The following CTNNA2 variants were observed in gnomAD, a reference collection of about 807,000 sequenced individuals.
CTNNA2 encodes the protein catenin alpha 2, also known as catenin alpha-2.
In CTNNA2, 42 loss-of-function variants were observed where a neutral mutation model predicts 101.0. That is an observed-to-expected ratio of 0.42 (90% confidence interval 0.32 to 0.54). The LOEUF is 0.54. CTNNA2 is among the 20% of genes least tolerant of loss of function. The pLI is 0.14. For synonymous variants in CTNNA2, 450 were observed against 456.4 expected (o/e 0.99, Z 0.18); for missense variants, 871 against 1,223.1 (o/e 0.71, Z 4.29).
At chr2:80,313,001 A>G (rs886263275) in intron 7 of CTNNA2, among the ~76,000 whole-genome samples, 1 of 152,252 alleles carries the variant, frequency 6.6e-6, no homozygotes, top group African/African-American at 2.4e-5. Context: ...ACTAGTTTGA[A>G]TGCTTGCCTA....
chr2:80,583,144 T>C (rs1394235383), intron 14 of CTNNA2, among the ~76,000 whole-genome samples: 1 of 152,182 alleles, frequency 6.6e-6, no homozygotes, highest in Non-Finnish European at 1.5e-5. Flanking sequence ...CAGACCTCTC[T>C]CTAAAATGCG....
intron 1 of CTNNA2, among the ~76,000 whole-genome samples, chr2:79,574,923 G>A (rs1373255858): frequency 6.6e-6 from 1 of 152,082 alleles, no homozygotes; most frequent in Non-Finnish European, 1.5e-5. Flanking sequence ...AGTGTGAGAT[G>A]GTATCTTGCT....
intron 18 of CTNNA2, among the ~76,000 whole-genome samples, chr2:80,637,386 T>A (rs975693143): frequency 1.1e-4 from 17 of 151,496 alleles, no homozygotes; most frequent in African/African-American, 4.1e-4. Flanking sequence ...ATCCATCCAG[T>A]CAAGGTTTGA....
chr2:80,604,028 C>G (rs766378369), intron 15 of CTNNA2, 46 bp from the exon 16 acceptor site: 5 of 1,545,140 alleles, frequency 3.2e-6, no homozygotes, highest in Non-Finnish European at 3.6e-6. Context: ...TGGTCTCTTT[C>G]CCGTCATTAA....
In CTNNA2 at chr2:79,869,095, A is replaced by G. The variant is rs575753241; in HGVS notation, c.466-721A>G. ...TTAAATTATTTATAAAGGAATTTTGATGAAATTCACAATTCAGGTCCAATG... is the reference window on the plus strand; with the variant it reads ...TTAAATTATTTATAAAGGAATTTTGGTGAAATTCACAATTCAGGTCCAATG... On this transcript the variant is annotated intron_variant, in intron 4 of 18. Transcript: ENST00000402739. 1.4e-4 allele frequency among the ~76,000 whole-genome samples: 21 copies of G among 152,316 alleles called. No individual in the cohort carries two copies. The South Asian group carries it at 4.1e-3, about 30-fold the overall frequency.
At chr2:80,287,271 C>A (rs115706213) in intron 7 of CTNNA2, among the ~76,000 whole-genome samples, 1,912 of 152,282 alleles carry the variant, frequency 0.013, 52 homozygotes, top group African/African-American at 0.044. Context: ...ACTTAAGCAT[C>A]TTTTGGTTAT....
At chr2:80,469,353 T>C (rs149659891) in intron 9 of CTNNA2, among the ~76,000 whole-genome samples, 212 of 152,366 alleles carry the variant, frequency 1.4e-3, no homozygotes, top group African/African-American at 4.9e-3. Context: ...GTGTGACTGA[T>C]GGAAAGCCGT....
At chr2:79,282,399 C>G (rs573247393) in intron 2 of CTNNA2, among the ~76,000 whole-genome samples, 111 of 152,106 alleles carry the variant, frequency 7.3e-4, no homozygotes, top group African/African-American at 2.6e-3. Context: ...CAGTGCTATC[C>G]CTCCCCGCTC....
chr2:80,431,057 T>G (rs1681453973), intron 9 of CTNNA2, among the ~76,000 whole-genome samples: 1 of 152,190 alleles, frequency 6.6e-6, no homozygotes, highest in African/African-American at 2.4e-5. Context: ...AAAAAAATTC[T>G]TCGATGTTAG....
intron 1 of CTNNA2, among the ~76,000 whole-genome samples, chr2:79,194,095 C>T (rs911805457): frequency 1.3e-5 from 2 of 152,074 alleles, no homozygotes; most frequent in African/African-American, 4.8e-5. Context: ...GAGGCATGAA[C>T]GTAAATTGTT....
chr2:79,433,095 G>T (rs986404406), intron 4 of CTNNA2, among the ~76,000 whole-genome samples: 6 of 152,188 alleles, frequency 3.9e-5, no homozygotes, highest in African/African-American at 1.4e-4. Flanking sequence ...TCAGGAGATT[G>T]TTCCAATGGC....
At chr2:80,583,748 C>T (rs1315119602) in intron 14 of CTNNA2, among the ~76,000 whole-genome samples, 1 of 152,104 alleles carries the variant, frequency 6.6e-6, no homozygotes, top group African/African-American at 2.4e-5. Flanking sequence ...CATTGGGAAC[C>T]TAATTCTAGT....
In CTNNA2 at chr2:79,437,653, G is replaced by A. The variant is rs911758550; in HGVS notation, c.-135+63640G>A. Among the ~76,000 whole-genome samples the A allele has an allele frequency of 5.9e-5, 9 of 152,192 alleles. 1 individual carries two copies. The highest frequency in any genetic ancestry group is 1.3e-4 in the Non-Finnish European group (9 of 68,042). ...GCTCTGCTTCATAACATAACCGTGT[G>A]TCACTATTTCACCAGCCGAGCTAGG... is the stretch of plus-strand genomic sequence containing the variant. On this transcript the variant is annotated intron_variant, in intron 4 of 21. Transcript: ENST00000466387.
intron 8 of CTNNA2, among the ~76,000 whole-genome samples, chr2:80,397,417 C>A (rs960829568): frequency 1.3e-5 from 2 of 152,144 alleles, no homozygotes; most frequent in Non-Finnish European, 2.9e-5. Context: ...TGTTTCCCTA[C>A]CCATTCATCT....
intron 7 of CTNNA2, among the ~76,000 whole-genome samples, chr2:80,220,172 G>T (rs1708495721): frequency 2.0e-5 from 3 of 152,180 alleles, no homozygotes; most frequent in Admixed American, 1.3e-4. Context: ...CGATTTAAAT[G>T]AATTCCTTTG....
intron 4 of CTNNA2, among the ~76,000 whole-genome samples, chr2:79,421,553 T>TGG (rs1443007104): frequency 1.3e-5 from 2 of 152,214 alleles, no homozygotes; most frequent in Admixed American, 6.5e-5. Context: ...GGCTAATACC[T>TGG]TGATGACCTG....
At chr2:80,324,249 A>AG (rs1412665428) in intron 7 of CTNNA2, among the ~76,000 whole-genome samples, 1 of 152,270 alleles carries the variant, frequency 6.6e-6, no homozygotes, top group South Asian at 2.1e-4. Flanking sequence ...TTTGCTTTGA[A>AG]GGGGGTCGAC....
At chr2:80,414,924 G>A (rs1279169790) in intron 8 of CTNNA2, among the ~76,000 whole-genome samples, 1 of 152,110 alleles carries the variant, frequency 6.6e-6, no homozygotes, top group Non-Finnish European at 1.5e-5. Flanking sequence ...GTCTGGATGG[G>A]GCCTTGGTTT....
chr2:79,419,717 AAC>A (rs1678521558), intron 4 of CTNNA2, among the ~76,000 whole-genome samples: 1 of 152,202 alleles, frequency 6.6e-6, no homozygotes. Context: ...TGAACAAGTT[AAC>A]ATATAACTTC....
Sources: allele counts gnomAD v4.1 joint callset (sites outside exome capture counted in the v4.1 genomes callset), GRCh38; gene constraint gnomAD v4.1.1; transcripts MANE v1.5; gene names NCBI Gene and HGNC (gene_info 2026-07-23, HGNC 2026-07-21).